The following RBFOX1 variants were observed in gnomAD, a reference collection of about 807,000 sequenced individuals.
RBFOX1 encodes RNA binding fox-1 homolog 1.
A neutral mutation model predicts 57.7 loss-of-function variants in RBFOX1; 8 were observed. The ratio of observed to expected loss-of-function variants is 0.14; its 90% confidence interval spans 0.08 to 0.25. The LOEUF is 0.25. Ranked by LOEUF, RBFOX1 falls within the 10% of genes least tolerant of loss-of-function variation. The pLI is 1.00. For synonymous variants in RBFOX1, 326 were observed against 222.4 expected, an observed-to-expected ratio of 1.47 and a Z score of -4.15; for missense variants, 611 against 548.5, an observed-to-expected ratio of 1.11 and a Z score of -1.14.
intron 2 of RBFOX1, among the ~76,000 whole-genome samples, chr16:6,503,224 C>T (rs577758173): frequency 2.6e-5 from 4 of 151,886 alleles, no homozygotes; most frequent in South Asian, 2.1e-4. Flanking sequence ...ATAAAAATAA[C>T]GTTAAAATAA....
intron 2 of RBFOX1, among the ~76,000 whole-genome samples, chr16:6,594,862 A>C (rs990796809): frequency 9.2e-5 from 14 of 152,178 alleles, no homozygotes; most frequent in Non-Finnish European, 1.6e-4. Context: ...GATCTCAGCT[A>C]ACTGTAACCT....
At chr16:6,189,113 C>G (rs772023581) in intron 1 of RBFOX1, among the ~76,000 whole-genome samples, 1 of 152,216 alleles carries the variant, frequency 6.6e-6, no homozygotes, top group Non-Finnish European at 1.5e-5. Flanking sequence ...TTCTAAACCA[C>G]CAAATGGTTC....
At chr16:5,986,199 G>T (rs897399734) in intron 4 of RBFOX1, among the ~76,000 whole-genome samples, 15 of 152,014 alleles carry the variant, frequency 9.9e-5, no homozygotes, top group African/African-American at 3.1e-4. Flanking sequence ...AGGTAGCTGG[G>T]TTTACAGGCA....
chr16:5,891,898 C>T (rs1005522961), intron 4 of RBFOX1, among the ~76,000 whole-genome samples: 5 of 152,156 alleles, frequency 3.3e-5, no homozygotes, highest in Non-Finnish European at 7.3e-5. Context: ...GCACACGTTG[C>T]GCAGGACTAA....
intron 3 of RBFOX1, among the ~76,000 whole-genome samples, chr16:7,007,661 A>C (rs1167419901): frequency 6.6e-6 from 1 of 152,036 alleles, no homozygotes; most frequent in African/African-American, 2.4e-5. Flanking sequence ...CTTGTTTGGA[A>C]GCTCTTCTCT....
chr16:6,246,658 T>C (rs2097570646), intron 1 of RBFOX1, among the ~76,000 whole-genome samples: 1 of 152,178 alleles, frequency 6.6e-6, no homozygotes, highest in Non-Finnish European at 1.5e-5. Flanking sequence ...AAATGTTAGA[T>C]GTCACAGTCA....
intron 2 of RBFOX1, among the ~76,000 whole-genome samples, chr16:6,352,207 C>T (rs2086533808): frequency 6.6e-6 from 1 of 152,192 alleles, no homozygotes; most frequent in South Asian, 2.1e-4. Context: ...TCCTCCTTAG[C>T]TCTTATCCTT....
chr16:5,454,774 TTTC>T (rs375733773), intron 1 of RBFOX1, among the ~76,000 whole-genome samples: 700 of 36,522 alleles, frequency 0.019, 15 homozygotes, highest in Non-Finnish European at 0.025. Flanking sequence ...TTTCTCTTTC[TTTC>T]TTTCTTTCTT....
rs544850398 is a variant in RBFOX1, at chr16:5,975,987, T to C, written c.351+108652T>C. Among the ~76,000 whole-genome samples, 6 of 151,986 alleles carry C rather than the reference T, an allele frequency of 3.9e-5. No individual in the cohort carries two copies. The East Asian group carries it at 1.2e-3, about 29-fold the overall frequency. ...GGTGAAACCCCATCTCTGCTAATAATACAAAAATTAGCCGGATGTGGTGGC... is the reference window on the plus strand; with the variant it reads ...GGTGAAACCCCATCTCTGCTAATAACACAAAAATTAGCCGGATGTGGTGGC... On this transcript the variant is annotated intron_variant, in intron 4 of 19. Transcript: ENST00000641259.
intron 4 of RBFOX1, among the ~76,000 whole-genome samples, chr16:7,376,515 G>A (rs924687359): frequency 3.3e-5 from 5 of 152,274 alleles, no homozygotes; most frequent in African/African-American, 1.2e-4. Flanking sequence ...CCACAGCTCT[G>A]TGTCTGTGAT....
intron 3 of RBFOX1, among the ~76,000 whole-genome samples, chr16:5,771,923 C>G (rs1387826058): frequency 6.6e-6 from 1 of 152,140 alleles, no homozygotes; most frequent in Non-Finnish European, 1.5e-5. Flanking sequence ...CCTGTAATCC[C>G]AGCACTTTGG....
chr16:7,105,288 ATTTTT>A (rs58447850), intron 4 of RBFOX1, among the ~76,000 whole-genome samples: 23 of 138,186 alleles, frequency 1.7e-4, no homozygotes, highest in Non-Finnish European at 1.9e-4. Context: ...ATATGGTCTG[ATTTTT>A]TTTTTTTTTT....
At chr16:7,002,721 A>G (rs1369468551) in intron 3 of RBFOX1, among the ~76,000 whole-genome samples, 1 of 152,168 alleles carries the variant, frequency 6.6e-6, no homozygotes, top group Non-Finnish European at 1.5e-5. Context: ...AAAAACAAAG[A>G]AACAAACAAA....
At chr16:6,531,013 A>T (rs1795327699) in intron 2 of RBFOX1, among the ~76,000 whole-genome samples, 1 of 152,094 alleles carries the variant, frequency 6.6e-6, no homozygotes, top group African/African-American at 2.4e-5. Context: ...CGCACAGGCC[A>T]TTGTCCCCCA....
intron 3 of RBFOX1, among the ~76,000 whole-genome samples, chr16:5,745,693 T>A (rs540666870): frequency 6.6e-6 from 1 of 152,046 alleles, no homozygotes; most frequent in Admixed American, 6.5e-5. Flanking sequence ...TGATGGCCAG[T>A]GATGATGAGC....
At chr16:5,252,703 C>T (rs930747456) in intron 1 of RBFOX1, among the ~76,000 whole-genome samples, 1 of 152,210 alleles carries the variant, frequency 6.6e-6, no homozygotes, top group African/African-American at 2.4e-5. Context: ...CAAGAGCTAT[C>T]CCATCCGCCC....
chr16:5,471,043 G>A (rs74612382), intron 2 of RBFOX1, among the ~76,000 whole-genome samples: 9,610 of 151,980 alleles, frequency 0.063, 803 homozygotes, highest in African/African-American at 0.19. Context: ...AGTAGAGACG[G>A]GGCTGGTCTC....
At chr16:7,015,273 C>G (rs1316174570) in intron 3 of RBFOX1, among the ~76,000 whole-genome samples, 1 of 152,138 alleles carries the variant, frequency 6.6e-6, no homozygotes, top group African/African-American at 2.4e-5. Flanking sequence ...TGGCCTGGGA[C>G]TGCAAATCAG....
rs146906888 is a variant in RBFOX1, at chr16:6,720,153, A to G, written c.-16+65503A>G. Reference sequence around the variant, plus strand: ...AATGTTAGTAAAGTGCATGCTTAGCAAAATATCTGACACAGGGTAAGGATT... The same window carrying G: ...AATGTTAGTAAAGTGCATGCTTAGCGAAATATCTGACACAGGGTAAGGATT... On this transcript the variant is annotated intron_variant, in intron 3 of 15. Coordinates refer to ENST00000550418, the MANE Select transcript of RBFOX1 (RefSeq NM_018723.4). Among the ~76,000 whole-genome samples, 1,490 of 152,274 alleles carry G rather than the reference A, an allele frequency of 9.8e-3. 27 individuals are homozygous for G. Among genetic ancestry groups the G allele is most frequent in the African/African-American group, 0.033 (1,380 of 41,570 alleles).
Sources: allele counts gnomAD v4.1 joint callset (sites outside exome capture counted in the v4.1 genomes callset), GRCh38; gene constraint gnomAD v4.1.1; transcripts MANE v1.5; gene names NCBI Gene and HGNC (gene_info 2026-07-23, HGNC 2026-07-21).